DLC1: variants seen among roughly 807,000 people sequenced by gnomAD.
The protein encoded by DLC1 is rho GTPase-activating protein 7.
A neutral mutation model predicts 140.3 loss-of-function variants in DLC1; 54 were observed. The ratio of observed to expected loss-of-function variants is 0.38; its 90% CI spans 0.31 to 0.48. The LOEUF (loss-of-function observed/expected upper bound fraction) is 0.48, where lower values mean the gene tolerates loss of function less well. DLC1 is among the 20% of genes least tolerant of loss of function. The probability of loss-of-function intolerance (pLI) is 0.96; values close to 1 mark genes in which losing one functional copy is unlikely to be tolerated. For synonymous variants in DLC1, 986 were observed against 728.1 expected (o/e 1.35, Z -5.70); for missense variants, 2,536 against 1,907.0 (o/e 1.33, Z -6.14).
chr8:13,354,732 C>G (rs968882530), intron 4 of DLC1, among the ~76,000 whole-genome samples: 2 of 149,116 alleles, frequency 1.3e-5, no homozygotes, highest in Non-Finnish European at 3.0e-5. Flanking sequence ...ATTGCTTGAG[C>G]ACAGGAGTTC....
intron 4 of DLC1, among the ~76,000 whole-genome samples, chr8:13,384,130 C>T (rs1186624430): frequency 2.0e-5 from 3 of 152,172 alleles, no homozygotes; most frequent in Non-Finnish European, 2.9e-5. Context: ...ATTTATTATA[C>T]AACAACAGAT....
At chr8:13,145,998 G>T (rs900973472) in intron 5 of DLC1, among the ~76,000 whole-genome samples, 7 of 152,118 alleles carry the variant, frequency 4.6e-5, no homozygotes, top group Non-Finnish European at 8.8e-5. Flanking sequence ...ATACTGTAGG[G>T]CCGGGCGCAG....
At chr8:13,276,445 C>T (rs1296780269) in intron 5 of DLC1, 4 of 1,410,508 alleles carry the variant, frequency 2.8e-6, no homozygotes, top group Middle Eastern at 4.2e-4. Flanking sequence ...CGCGACCATG[C>T]CTCGGTACTC....
intron 5 of DLC1, among the ~76,000 whole-genome samples, chr8:13,168,191 G>C (rs555462311): frequency 6.6e-6 from 1 of 152,282 alleles, no homozygotes; most frequent in Admixed American, 6.5e-5. Context: ...CTAAGGCTTT[G>C]ACTGAGTGAA....
At chr8:13,474,519 C>T (rs181676589) in intron 2 of DLC1, among the ~76,000 whole-genome samples, 1 of 152,116 alleles carries the variant, frequency 6.6e-6, no homozygotes, top group Non-Finnish European at 1.5e-5. Context: ...TCCTCCAGAC[C>T]CCAGAATGGT....
intron 4 of DLC1, among the ~76,000 whole-genome samples, chr8:13,349,073 G>C (rs66686514): frequency 3.3e-5 from 5 of 151,996 alleles, no homozygotes; most frequent in Non-Finnish European, 7.3e-5. Flanking sequence ...TTTCCTGTCC[G>C]CCAATTCAAC....
At chr8:13,168,469 A>T (rs894991919) in intron 5 of DLC1, among the ~76,000 whole-genome samples, 10 of 152,134 alleles carry the variant, frequency 6.6e-5, no homozygotes, top group Admixed American at 3.3e-4. Context: ...TGCTATTTCC[A>T]TTATTCCTGT....
At chr8:13,107,718 C>T (rs1221113951) in intron 7 of DLC1, among the ~76,000 whole-genome samples, 1 of 152,160 alleles carries the variant, frequency 6.6e-6, no homozygotes, top group Non-Finnish European at 1.5e-5. Flanking sequence ...ATCTCAACTA[C>T]ACTATGCAGC....
chr8:13,257,994 C>T (rs1431262407), intron 5 of DLC1, among the ~76,000 whole-genome samples: 1 of 152,106 alleles, frequency 6.6e-6, no homozygotes, highest in Non-Finnish European at 1.5e-5. Context: ...ATGTAAGTAC[C>T]AACAGCGGAC....
At chr8:13,541,477 C>T (rs981870652) in intron 1 of DLC1, among the ~76,000 whole-genome samples, 3 of 152,094 alleles carry the variant, frequency 2.0e-5, no homozygotes, top group Non-Finnish European at 2.9e-5. Flanking sequence ...CTGTAGTCAC[C>T]CTAGTAAATG....
intron 5 of DLC1, among the ~76,000 whole-genome samples, chr8:13,285,906 TG>T (rs1191177348): frequency 6.6e-6 from 1 of 152,112 alleles, no homozygotes; most frequent in Non-Finnish European, 1.5e-5. Flanking sequence ...TGCCAGAGGC[TG>T]GGAATGGGGT....
At chr8:13,170,562 C>T (rs958027101) in intron 5 of DLC1, among the ~76,000 whole-genome samples, 1 of 152,004 alleles carries the variant, frequency 6.6e-6, no homozygotes, top group African/African-American at 2.4e-5. Flanking sequence ...AACCCCGTCC[C>T]TACTAAAAAT....
intron 4 of DLC1, among the ~76,000 whole-genome samples, chr8:13,363,748 A>G (rs1835353359): frequency 1.3e-5 from 2 of 152,184 alleles, no homozygotes; most frequent in African/African-American, 4.8e-5. Context: ...AGCAAAATCT[A>G]AGGTCGCCAA....
At chr8:13,310,565 A>AT (rs147493709) in intron 4 of DLC1, among the ~76,000 whole-genome samples, 8,426 of 152,256 alleles carry the variant, frequency 0.055, 309 homozygotes, top group Middle Eastern at 0.085. Flanking sequence ...TGGGATTCAC[A>AT]TTTTTTGGGA....
intron 1 of DLC1, among the ~76,000 whole-genome samples, chr8:13,576,071 C>T (rs770586215): frequency 6.6e-6 from 1 of 152,040 alleles, no homozygotes; most frequent in African/African-American, 2.4e-5. Context: ...AAATTGAGTG[C>T]CTAAAGTTCA....
chr8:13,098,411 T>C lies in DLC1; in HGVS notation c.3155A>G (p.His1052Arg), dbSNP rs1211351948. 5 of 1,614,094 alleles carry C rather than the reference T, an allele frequency of 3.1e-6. No homozygotes were observed. In the Middle Eastern group the frequency reaches 8.3e-4, roughly 266 times the overall value. ...LLEKYTPSNK[H>R]GFSWAVPKFM... ...TTTAAACTCTTACCAGCTAAAACCA[T>C]GCTTGTTAGAAGGTGTGTATTTCTC... Residue 1052 changes from histidine (H) to arginine (R), a missense_variant, in exon 10 of 18, where the codon CAT becomes CGT. By Grantham distance (29) the His-to-Arg change is conservative. Coordinates refer to ENST00000276297, the MANE Select transcript of DLC1 (RefSeq NM_182643.3).
At chr8:13,188,245 C>A (rs1041465477) in intron 5 of DLC1, among the ~76,000 whole-genome samples, 3 of 151,406 alleles carry the variant, frequency 2.0e-5, no homozygotes, top group Admixed American at 1.3e-4. Flanking sequence ...CCATGCCCAG[C>A]TAATTTTTGT....
intron 1 of DLC1, among the ~76,000 whole-genome samples, chr8:13,522,000 C>A (rs2117286410): frequency 6.6e-6 from 1 of 152,178 alleles, no homozygotes; most frequent in East Asian, 1.9e-4. Context: ...CAAATGGTTC[C>A]ATTTGAAAGG....
intron 1 of DLC1, among the ~76,000 whole-genome samples, chr8:13,553,975 C>T (rs1482209641): frequency 6.6e-6 from 1 of 152,054 alleles, no homozygotes; most frequent in Non-Finnish European, 1.5e-5. Context: ...GCCCCCTTGT[C>T]ATTAGTATTC....
Sources: allele counts gnomAD v4.1 joint callset (sites outside exome capture counted in the v4.1 genomes callset), GRCh38; gene constraint gnomAD v4.1.1; transcripts MANE v1.5; gene names NCBI Gene and HGNC (gene_info 2026-07-23, HGNC 2026-07-21).